Variants in BCAS3 observed in about 807,000 individuals in gnomAD.
BCAS3 encodes BCAS4/BCAS3 fusion.
BCAS3 carries 53 observed loss-of-function variants against 116.1 expected under a neutral mutation model. That is an observed-to-expected ratio of 0.46 (90% CI 0.37 to 0.57). BCAS3 has a LOEUF of 0.57. BCAS3 is among the 20% of genes least tolerant of loss of function. The pLI is 0.00. For missense variants in BCAS3, 917 were observed against 1,165.4 expected, an observed-to-expected ratio of 0.79 and a Z score of 3.10; for synonymous variants, 391 against 408.2, an observed-to-expected ratio of 0.96 and a Z score of 0.51.
At chr17:60,703,110 A>G (rs1287603267) in intron 4 of BCAS3, among the ~76,000 whole-genome samples, 2 of 151,412 alleles carry the variant, frequency 1.3e-5, no homozygotes, top group African/African-American at 4.9e-5. Flanking sequence ...CACCGTCTAT[A>G]CTAAAAATAC....
chr17:61,108,923 C>CA (rs1486055050), intron 22 of BCAS3, among the ~76,000 whole-genome samples: 2 of 152,134 alleles, frequency 1.3e-5, no homozygotes, highest in Non-Finnish European at 2.9e-5. Context: ...CACGGCGGCT[C>CA]ATGCCTGTAA....
At chr17:60,898,568 G>T (rs1431669114) in intron 10 of BCAS3, among the ~76,000 whole-genome samples, 3 of 152,106 alleles carry the variant, frequency 2.0e-5, no homozygotes, top group Admixed American at 2.0e-4. Context: ...AGGTTGACTG[G>T]TCATCAGTAT....
chr17:61,005,778 ATTTCTTTTTTTTC>A (rs1468710913), intron 15 of BCAS3, among the ~76,000 whole-genome samples: 1 of 147,732 alleles, frequency 6.8e-6, no homozygotes, highest in African/African-American at 2.5e-5. Flanking sequence ...TTAGGAAAAA[ATTTCTTTTTTTTC>A]TTTTTTTTTT....
chr17:60,984,287 C>T (rs546526487), intron 14 of BCAS3, among the ~76,000 whole-genome samples: 1 of 152,106 alleles, frequency 6.6e-6, no homozygotes, highest in Non-Finnish European at 1.5e-5. Context: ...ATTCCAGGCT[C>T]TATTAGAAAC....
rs188484383 is a variant in BCAS3, at chr17:60,705,316, C to T, written c.215-3903C>T. Among the ~76,000 whole-genome samples the T allele has an allele frequency of 9.2e-5, 14 of 152,130 alleles. No individual in the cohort carries two copies. The East Asian group carries it at 1.5e-3, about 17-fold the overall frequency. On this transcript the variant is annotated intron_variant, in intron 4 of 23. Transcript: ENST00000407086. ...GGCAGATCACCTTAGGTCAGGAGTTCGAGACCAGCCTGGCCAACATGGCGA... is the reference window on the plus strand; with the variant it reads ...GGCAGATCACCTTAGGTCAGGAGTTTGAGACCAGCCTGGCCAACATGGCGA...
Position 61,227,790 on chromosome 17 carries a change from T to C in BCAS3, c.2426-140537T>C, listed in dbSNP as rs2082446046. ...TTATTTATATTTTCTGTAATGATTT[T>C]CTGTTGCTCTCTGCTTGATTTTATG... On this transcript the variant is annotated intron_variant, in intron 22 of 23. Coordinates refer to ENST00000407086, the MANE Select transcript of BCAS3 (RefSeq NM_017679.5). This position sits in a 1 kb window ranked among gnomAD's most constrained non-coding sequence, Gnocchi z 6.1. Among the ~76,000 whole-genome samples the C allele has an allele frequency of 2.0e-5, 3 of 152,358 alleles. No individual in the cohort carries two copies. In the South Asian group the frequency reaches 6.2e-4, roughly 32 times the overall value.
chr17:60,873,614 CTA>C (rs2055326336), intron 8 of BCAS3, among the ~76,000 whole-genome samples: 1 of 152,194 alleles, frequency 6.6e-6, no homozygotes, highest in African/African-American at 2.4e-5. Flanking sequence ...GTGTTTATAA[CTA>C]AATTATTTTC....
chr17:61,161,746 T>C lies in BCAS3; in HGVS notation c.2425+77182T>C, dbSNP rs947882413. The stretch of plus-strand genomic sequence containing the variant: ...CAGCACACATACCAGCCCCCGCAAT[T>C]CCAGTTTCATGGTGCCTGAGTTGCT... On this transcript the variant is annotated intron_variant, in intron 22 of 23. Transcript: ENST00000407086. The surrounding 1 kb of genome is among the most constrained non-coding windows in gnomAD (Gnocchi z 4.8). 6.6e-6 allele frequency among the ~76,000 whole-genome samples: 1 copy of C among 152,072 alleles called. No individual in the cohort carries two copies. Among genetic ancestry groups the C allele is most frequent in the African/African-American group, 2.4e-5 (1 of 41,384 alleles).
chr17:60,799,524 G>GTTTTT (rs869112996), intron 6 of BCAS3, among the ~76,000 whole-genome samples: 131 of 102,360 alleles, frequency 1.3e-3, no homozygotes, highest in Non-Finnish European at 1.9e-3. Context: ...ATTAGTGTTT[G>GTTTTT]TTTTTTTTTT....
At chr17:60,772,511 G>A (rs1158432507) in intron 6 of BCAS3, among the ~76,000 whole-genome samples, 2 of 152,190 alleles carry the variant, frequency 1.3e-5, no homozygotes, top group Non-Finnish European at 2.9e-5. Flanking sequence ...TAGGTTGCCT[G>A]TTGACTCTGA....
chr17:60,918,655 C>T, intron 12 of BCAS3, among the ~76,000 whole-genome samples: 1 of 146,070 alleles, frequency 6.8e-6, no homozygotes, highest in African/African-American at 2.5e-5. Flanking sequence ...AAATCTCTTT[C>T]TTCTGTTTCA....
chr17:60,851,466 G>A lies in BCAS3; in HGVS notation c.477-17110G>A, dbSNP rs2053153397. On this transcript the variant is annotated intron_variant, in intron 7 of 23. Coordinates refer to ENST00000407086, the MANE Select transcript of BCAS3 (RefSeq NM_017679.5). ...ATCGCCGCGGTTGTCAGCTAAACTTGCTCCTGCAAAAATGGAAGCGAAGCC... is the reference window on the plus strand; with the variant it reads ...ATCGCCGCGGTTGTCAGCTAAACTTACTCCTGCAAAAATGGAAGCGAAGCC... The A allele has an allele frequency of 7.7e-6, 4 of 516,982 alleles. No individual in the cohort carries two copies. In the Admixed American group the frequency reaches 9.4e-5, roughly 12 times the overall value. The allele number at this position is 516,982 out of a possible 1,614,324, so 32.0% of individuals were successfully genotyped here. A position where few individuals can be genotyped will look rare whatever the true frequency, so the allele number is the denominator to read the frequency against.
In BCAS3 at chr17:61,368,231, AC is replaced by A. The variant is rs1262363857; in HGVS notation, c.2426-93del. On this transcript the variant is annotated intron_variant, in intron 22 of 23. Coordinates refer to ENST00000407086, the MANE Select transcript of BCAS3 (RefSeq NM_017679.5). This position sits in a 1 kb window ranked among gnomAD's most constrained non-coding sequence, Gnocchi z 6.0. ...CCATCCTACAGGAAGGCTACAATGGACCCTGGGTATGGAGAGGAGCGGGTGG... is the reference window on the plus strand; with the variant it reads ...CCATCCTACAGGAAGGCTACAATGGACCTGGGTATGGAGAGGAGCGGGTGG... The A allele has an allele frequency of 4.8e-5, 65 of 1,350,168 alleles. No homozygotes were observed. Among genetic ancestry groups the A allele is most frequent in the Admixed American group, 2.8e-4 (13 of 46,860 alleles). 83.6% of individuals were successfully genotyped at this position (1,350,168 alleles called of 1,614,324 possible).
intron 22 of BCAS3, among the ~76,000 whole-genome samples, chr17:61,272,799 C>T (rs1187922921): frequency 6.6e-6 from 1 of 151,950 alleles, no homozygotes; most frequent in South Asian, 2.1e-4. Flanking sequence ...TCAATTTTGC[C>T]TTTTTATCTC....
In BCAS3 at chr17:61,242,176, T is replaced by C. The variant is rs1359586770; in HGVS notation, c.2426-126151T>C. Among the ~76,000 whole-genome samples the C allele has an allele frequency of 2.6e-5, 4 of 151,400 alleles. No individual in the cohort carries two copies. The Admixed American group carries it at 2.6e-4, about 10-fold the overall frequency. ...CAGTAATCCCAGCTACTCAGGAGGC[T>C]GAGGCAAGAGAATTGCTTGAACCTG... On this transcript the variant is annotated intron_variant, in intron 22 of 23. Coordinates refer to ENST00000407086, the MANE Select transcript of BCAS3 (RefSeq NM_017679.5).
In BCAS3 at chr17:60,750,678, G is replaced by T. The variant is rs183332782; in HGVS notation, c.403+3399G>T. Among the ~76,000 whole-genome samples the T allele has an allele frequency of 3.6e-3, 548 of 152,240 alleles. 3 individuals carry two copies. The highest frequency in any genetic ancestry group is 0.013 in the African/African-American group (529 of 41,536). On this transcript the variant is annotated intron_variant, in intron 6 of 23. Coordinates refer to ENST00000407086, the MANE Select transcript of BCAS3 (RefSeq NM_017679.5). Reference sequence around the variant, plus strand: ...GAATCCCTTCCTGTGCATTTTTCCAGCATCACATTCTGCCATCCTTACCCT... The same window carrying T: ...GAATCCCTTCCTGTGCATTTTTCCATCATCACATTCTGCCATCCTTACCCT...
At chr17:61,330,873 A>G (rs2056217024) in intron 22 of BCAS3, among the ~76,000 whole-genome samples, 1 of 152,174 alleles carries the variant, frequency 6.6e-6, no homozygotes, top group Non-Finnish European at 1.5e-5. Flanking sequence ...ATGGTGGTGA[A>G]TGGTCTCTGC....
At chr17:61,260,852 G>A (rs1489836957) in intron 22 of BCAS3, among the ~76,000 whole-genome samples, 5 of 152,204 alleles carry the variant, frequency 3.3e-5, no homozygotes, top group African/African-American at 7.2e-5. Context: ...AACAGGATCA[G>A]GCTTTATCTT....
chr17:60,865,791 A>C (rs1311940314), intron 7 of BCAS3, among the ~76,000 whole-genome samples: 1 of 152,150 alleles, frequency 6.6e-6, no homozygotes, highest in Non-Finnish European at 1.5e-5. Flanking sequence ...CTTCTTATAC[A>C]ATGTTGAGTA....
Sources: allele counts gnomAD v4.1 joint callset (sites outside exome capture counted in the v4.1 genomes callset), GRCh38; gene constraint gnomAD v4.1.1; non-coding constraint Gnocchi (gnomAD v3.1); transcripts MANE v1.5; gene names NCBI Gene and HGNC (gene_info 2026-07-23, HGNC 2026-07-21).